Variants in COL15A1 observed in about 807,000 individuals in gnomAD.
COL15A1 encodes collagen alpha-1(XV) chain.
COL15A1 carries 111 observed loss-of-function variants against 165.9 expected under a neutral mutation model. The observed-to-expected ratio is 0.67, with a 90% CI of 0.57 to 0.78. The LOEUF (loss-of-function observed/expected upper bound fraction) is 0.78. Among genes scored for constraint, COL15A1 ranks in the 30% least tolerant of loss-of-function variants. COL15A1 has a pLI of 0.00. For synonymous variants in COL15A1, 659 were observed against 674.8 expected (o/e 0.98, Z 0.36); for missense variants, 1,745 against 1,789.7 (o/e 0.98, Z 0.45).
chr9:98,976,372 A>T (rs1318657976), intron 2 of COL15A1, among the ~76,000 whole-genome samples: 1 of 152,192 alleles, frequency 6.6e-6, no homozygotes, highest in Admixed American at 6.5e-5. Flanking sequence ...TAACTCTCTG[A>T]TGGGAAAACT....
At chr9:98,990,757 A>C (rs1350797922) in intron 5 of COL15A1, among the ~76,000 whole-genome samples, 1 of 152,098 alleles carries the variant, frequency 6.6e-6, no homozygotes, top group Non-Finnish European at 1.5e-5. Flanking sequence ...GTGGGAGGGG[A>C]AGGAAGAGAA....
At position 98,959,241 on chromosome 9, in the gene COL15A1, A is replaced by C. The variant is rs917935783; in HGVS notation, c.100+14991A>C. Among the ~76,000 whole-genome samples, 13 of 151,600 alleles carry C rather than the reference A, an allele frequency of 8.6e-5. No individual in the cohort carries two copies. In the South Asian group the frequency reaches 1.3e-3, roughly 15 times the overall value. On this transcript the variant is annotated intron_variant, in intron 2 of 41. Transcript: ENST00000375001. ...CCCTGTCTCTACAAAAAAAAAAAAA[A>C]AAAAAACTAAAAACTAAAATGATCT...
intron 14 of COL15A1, among the ~76,000 whole-genome samples, chr9:99,024,268 G>GGTTTTTT (rs1839078305): frequency 1.5e-5 from 2 of 131,460 alleles, no homozygotes; most frequent in African/African-American, 6.2e-5. Context: ...ACCACAAGCA[G>GGTTTTTT]TTTTTTTTGT....
Position 99,024,268 on chromosome 9 carries a change from G to GTTTTTTTT in COL15A1, c.1855-605_1855-598dup, listed in dbSNP as rs201734908. 2.0e-3 allele frequency among the ~76,000 whole-genome samples: 269 copies of GTTTTTTTT among 131,354 alleles called. 21 individuals are homozygous for GTTTTTTTT. Among genetic ancestry groups the GTTTTTTTT allele is most frequent in the East Asian group, 0.013 (57 of 4,358 alleles). 86.2% of individuals were successfully genotyped at this position (131,354 alleles called of 152,430 possible). On this transcript the variant is annotated intron_variant, in intron 14 of 41. Transcript: ENST00000375001. ...TAAAAACAAGGCTACACCACAAGCAGTTTTTTTTGTTTTTTTGTTTTTTTT... is the reference window on the plus strand; with the variant it reads ...TAAAAACAAGGCTACACCACAAGCAGTTTTTTTTTTTTTTTTGTTTTTTTGTTTTTTTT...
rs1376050907 is a variant in COL15A1, at chr9:99,024,930, A to C, written c.1911A>C (p.Gly637=). ...PGLPGIPGKP[G]TDVFMGPPGS... ...TACCTGGGATTCCAGGAAAACCAGG[A>C]ACTGATGTTTTCATGGGACCCCCTG... Residue 637 remains glycine, a synonymous_variant, in exon 15 of 42, where the codon GGA becomes GGC. Coordinates refer to ENST00000375001, the MANE Select transcript of COL15A1 (RefSeq NM_001855.5). 1.2e-6 allele frequency: 2 copies of C among 1,613,884 alleles called. No individual in the cohort carries two copies. Among genetic ancestry groups the C allele is most frequent in the African/African-American group, 2.7e-5 (2 of 74,912 alleles).
chr9:98,979,120 T>A (rs1045546969), intron 2 of COL15A1, among the ~76,000 whole-genome samples: 2 of 152,232 alleles, frequency 1.3e-5, no homozygotes, highest in African/African-American at 4.8e-5. Context: ...ATTATATTAA[T>A]CATTCCCAAA....
chr9:98,985,366 G>A (rs747696306), intron 2 of COL15A1, among the ~76,000 whole-genome samples, 199 bp from the exon 3 acceptor site: 40 of 152,204 alleles, frequency 2.6e-4, no homozygotes, highest in Non-Finnish European at 2.4e-4. Flanking sequence ...CTGTCTACAC[G>A]TGTGTATATT....
intron 31 of COL15A1, 97 bp downstream of exon 31, chr9:99,052,530 G>A (rs902897280): frequency 5.0e-6 from 5 of 1,001,208 alleles, no homozygotes; most frequent in Non-Finnish European, 6.4e-6. Flanking sequence ...TAGGTGGTCA[G>A]GAAGGTCTAA....
At position 99,003,544 on chromosome 9, in the gene COL15A1, C is replaced by A. The variant is rs774158024; in HGVS notation, c.1157C>A (p.Thr386Asn). The A allele has an allele frequency of 2.6e-6, 4 of 1,565,538 alleles. No individual in the cohort carries two copies. In the South Asian group the frequency reaches 3.6e-5, roughly 14 times the overall value. Residue 386 changes from threonine (T) to asparagine (N), a missense_variant, in exon 8 of 42, where the codon ACC becomes AAC. Coordinates refer to ENST00000375001, the MANE Select transcript of COL15A1 (RefSeq NM_001855.5). ...AGCAGTGTGCCCACCGGGGGACCAA[C>A]CCTCTCTATGTCCACGGAGAACCCA... ...EASSVPTGGP[T>N]LSMSTENPEE...
intron 16 of COL15A1, among the ~76,000 whole-genome samples, chr9:99,031,721 G>A (rs1839215527): frequency 6.6e-6 from 1 of 152,076 alleles, no homozygotes; most frequent in African/African-American, 2.4e-5. Flanking sequence ...AGTGCCTTCG[G>A]GCTGGTAGGT....
At position 99,055,168 on chromosome 9, in the gene COL15A1, C is replaced by A; in HGVS notation, c.3081+17C>A. On this transcript the variant is annotated intron_variant, in intron 33 of 41. Coordinates refer to ENST00000375001, the MANE Select transcript of COL15A1 (RefSeq NM_001855.5). The stretch of plus-strand genomic sequence containing the variant: ...AACTTGAAGGTGAGTATTTCTCTAC[C>A]AATATTTGGCCTGTGTTTTTCAGGT... 2 of 1,609,816 alleles carry A rather than the reference C, an allele frequency of 1.2e-6. No homozygotes were observed. The highest frequency in any genetic ancestry group is 1.7e-6 in the Non-Finnish European group (2 of 1,176,130).
At position 99,024,953 on chromosome 9, in the gene COL15A1, CT is replaced by C; in HGVS notation, c.1935del (p.Gly646AspfsTer32). 1 of 1,614,060 alleles carries C rather than the reference CT, an allele frequency of 6.2e-7. No homozygotes were observed. The highest frequency in any genetic ancestry group is 8.5e-7 in the Non-Finnish European group (1 of 1,179,924). On this transcript the variant is annotated frameshift_variant, in exon 15 of 42. Transcript: ENST00000375001. LOFTEE classifies it high-confidence loss of function. ...KPGTDVFMGP[P>X]GSPGEDGPAG... ...GGAACTGATGTTTTCATGGGACCCC[CT>C]GGATCTCCTGGAGAGGATGGACCTG...
In COL15A1 at chr9:99,005,067, G is replaced by A; in HGVS notation, c.1353+17G>A. On this transcript the variant is annotated intron_variant, in intron 9 of 41. Transcript: ENST00000375001. ...GCCACTGTGGTAAGGATCGTACAGT[G>A]CCCAAAGGTTGAGGTCATGGTGGGA... The A allele has an allele frequency of 1.9e-6, 3 of 1,570,700 alleles. No individual in the cohort carries two copies. Among genetic ancestry groups the A allele is most frequent in the South Asian group, 1.2e-5 (1 of 83,838 alleles).
intron 2 of COL15A1, among the ~76,000 whole-genome samples, chr9:98,977,517 G>A (rs1344060227): frequency 6.6e-6 from 1 of 152,242 alleles, no homozygotes; most frequent in Non-Finnish European, 1.5e-5. Context: ...CAGGTCAGGG[G>A]TCGTCCCCTA....
chr9:99,025,849 T>G, intron 15 of COL15A1, 55 bp from the exon 16 acceptor site: 2 of 1,565,660 alleles, frequency 1.3e-6, no homozygotes, highest in Non-Finnish European at 1.7e-6. Context: ...AGCAAGCGTG[T>G]GTATGTGATA....
At chr9:99,031,415 A>G (rs1358754774) in intron 16 of COL15A1, among the ~76,000 whole-genome samples, 1 of 152,184 alleles carries the variant, frequency 6.6e-6, no homozygotes, top group South Asian at 2.1e-4. Context: ...TAGCAAACCC[A>G]TGAACCTCAC....
chr9:99,018,931 G>C (rs1244784813), intron 11 of COL15A1, among the ~76,000 whole-genome samples: 1 of 152,120 alleles, frequency 6.6e-6, no homozygotes, highest in African/African-American at 2.4e-5. Context: ...TACTATGGTG[G>C]CTTACAATTT....
chr9:99,066,773 G>A lies in COL15A1; in HGVS notation c.3652-109G>A, dbSNP rs544993017. The A allele has an allele frequency of 1.1e-4, 103 of 952,020 alleles. 1 individual carries two copies. The South Asian group carries it at 1.4e-3, about 13-fold the overall frequency. 59.0% of individuals were successfully genotyped at this position (952,020 alleles called of 1,614,324 possible). A position where few individuals can be genotyped will look rare whatever the true frequency, so the allele number is the denominator to read the frequency against. ...GGGATTGAATAAAATGACCTCCAAC[G>A]TGCCTTCCAGCCTAAGAAGTCTGGA... On this transcript the variant is annotated intron_variant, in intron 39 of 41. Transcript: ENST00000375001.
rs185987834 is a variant in COL15A1, at chr9:99,054,958, T to C, written c.3032-144T>C. 5,854 of 784,286 alleles carry C rather than the reference T, an allele frequency of 7.5e-3. 61 individuals are homozygous for C. The highest frequency in any genetic ancestry group is 0.011 in the Non-Finnish European group (4,950 of 459,828). The allele number at this position is 784,286 out of a possible 1,614,324, so 48.6% of individuals were successfully genotyped here. On this transcript the variant is annotated intron_variant, in intron 32 of 41. Coordinates refer to ENST00000375001, the MANE Select transcript of COL15A1 (RefSeq NM_001855.5). ...ATGGGCCCACAGTAGCTAGCACCTG[T>C]TTCTGCTTCCAAGCAGACTCTGTTA...
Sources: allele counts gnomAD v4.1 joint callset (sites outside exome capture counted in the v4.1 genomes callset), GRCh38; gene constraint gnomAD v4.1.1; transcripts MANE v1.5; gene names NCBI Gene and HGNC (gene_info 2026-07-23, HGNC 2026-07-21).